NAALADL2: variants seen among roughly 807,000 people sequenced by gnomAD.
NAALADL2 encodes N-acetylated alpha-linked acidic dipeptidase like 2, also known as inactive N-acetylated-alpha-linked acidic dipeptidase-like protein 2.
A neutral mutation model predicts 87.2 loss-of-function variants in NAALADL2; 76 were observed. The observed-to-expected ratio is 0.87, with a 90% confidence interval of 0.72 to 1.05. NAALADL2 has a LOEUF of 1.05. NAALADL2 is among the 50% of genes least tolerant of loss of function. The pLI is 0.00. For synonymous variants in NAALADL2, 354 were observed against 331.0 expected, an observed-to-expected ratio of 1.07 and a Z score of -0.75; for missense variants, 1,089 against 945.8, an observed-to-expected ratio of 1.15 and a Z score of -1.99.
At chr3:174,542,964 T>C (rs773426334) in intron 1 of NAALADL2, among the ~76,000 whole-genome samples, 11 of 152,192 alleles carry the variant, frequency 7.2e-5, no homozygotes, top group Non-Finnish European at 1.2e-4. Context: ...AGCTGGACTA[T>C]GACAGATGGG....
At chr3:175,318,013 T>C (rs1019381975) in intron 4 of NAALADL2, among the ~76,000 whole-genome samples, 4 of 152,130 alleles carry the variant, frequency 2.6e-5, no homozygotes, top group Non-Finnish European at 5.9e-5. Context: ...GCATATAATA[T>C]TGAAAAATTA....
At chr3:174,987,541 C>G (rs1199262462) in intron 1 of NAALADL2, among the ~76,000 whole-genome samples, 1 of 116,180 alleles carries the variant, frequency 8.6e-6, no homozygotes, top group East Asian at 2.6e-4. Context: ...TGCACTCCAG[C>G]CTGGGCGACA....
intron 1 of NAALADL2, among the ~76,000 whole-genome samples, chr3:175,093,955 G>C (rs994419049): frequency 6.6e-6 from 1 of 151,936 alleles, no homozygotes; most frequent in Non-Finnish European, 1.5e-5. Flanking sequence ...TGTCAGGCTA[G>C]AGATGAAAAC....
chr3:175,203,791 G>T (rs1485678059), intron 2 of NAALADL2, among the ~76,000 whole-genome samples: 1 of 152,100 alleles, frequency 6.6e-6, no homozygotes, highest in East Asian at 1.9e-4. Context: ...AAATACAAAA[G>T]ATCATTCAAG....
rs1431889427 is a variant in NAALADL2, at chr3:174,901,222, T to G, written c.43+41772T>G. ...TTACCAATGATGTGGCAAGGAATAA[T>G]TTTAACATGTATCAAGGAATGTAGT... is the stretch of plus-strand genomic sequence containing the variant. On this transcript the variant is annotated intron_variant, in intron 1 of 13. Coordinates refer to ENST00000454872, the MANE Select transcript of NAALADL2 (RefSeq NM_207015.3). Among the ~76,000 whole-genome samples the G allele has an allele frequency of 2.0e-5, 3 of 152,152 alleles. No homozygotes were observed. In the East Asian group the frequency reaches 5.8e-4, roughly 29 times the overall value.
At chr3:175,686,383 A>G (rs1736296580) in intron 11 of NAALADL2, among the ~76,000 whole-genome samples, 1 of 152,180 alleles carries the variant, frequency 6.6e-6, no homozygotes, top group Admixed American at 6.5e-5. Flanking sequence ...CAGACTTCAG[A>G]AGTGTCTTTT....
chr3:175,603,435 A>G (rs568121992), intron 10 of NAALADL2, among the ~76,000 whole-genome samples: 7 of 152,296 alleles, frequency 4.6e-5, no homozygotes, highest in African/African-American at 1.7e-4. Context: ...TCATCTTGCA[A>G]AACTGAAATT....
intron 5 of NAALADL2, among the ~76,000 whole-genome samples, chr3:175,437,950 C>T (rs1331792394): frequency 1.3e-5 from 2 of 151,972 alleles, no homozygotes; most frequent in East Asian, 1.9e-4. Context: ...TACTAGGGAG[C>T]ATAGCAAGAT....
At chr3:175,658,441 T>A (rs145463470) in intron 11 of NAALADL2, among the ~76,000 whole-genome samples, 2,294 of 152,270 alleles carry the variant, frequency 0.015, 25 homozygotes, top group Non-Finnish European at 0.022. Flanking sequence ...GAAACTCCGA[T>A]ACTACCTTGA....
chr3:174,668,528 G>C (rs1485673737), intron 2 of NAALADL2, among the ~76,000 whole-genome samples: 2 of 151,992 alleles, frequency 1.3e-5, no homozygotes, highest in Non-Finnish European at 2.9e-5. Context: ...CCAGTAACTC[G>C]TCATTTAACA....
intron 1 of NAALADL2, among the ~76,000 whole-genome samples, chr3:174,989,993 T>TATAA (rs1183653548): frequency 6.6e-6 from 1 of 152,174 alleles, no homozygotes; most frequent in African/African-American, 2.4e-5. Flanking sequence ...TAGCATTGGT[T>TATAA]ATAAATTCCT....
chr3:175,055,027 G>A (rs185966491), intron 1 of NAALADL2, among the ~76,000 whole-genome samples: 157 of 152,286 alleles, frequency 1.0e-3, no homozygotes, highest in African/African-American at 3.6e-3. Context: ...GGTTGAATTG[G>A]CCACACGGAT....
chr3:175,269,268 G>T (rs1056882974), intron 4 of NAALADL2, among the ~76,000 whole-genome samples: 3 of 152,014 alleles, frequency 2.0e-5, no homozygotes, highest in Non-Finnish European at 4.4e-5. Context: ...AGTAGGAGAA[G>T]TACACTCTAA....
intron 9 of NAALADL2, among the ~76,000 whole-genome samples, chr3:175,505,166 G>A (rs1321657208): frequency 2.0e-5 from 3 of 151,892 alleles, no homozygotes; most frequent in Admixed American, 6.6e-5. Flanking sequence ...TTGGGAGGCT[G>A]AGGCAAGAGG....
chr3:174,882,354 A>G (rs1395255528), intron 1 of NAALADL2, among the ~76,000 whole-genome samples: 1 of 151,894 alleles, frequency 6.6e-6, no homozygotes, highest in Non-Finnish European at 1.5e-5. Flanking sequence ...AAAGGACACA[A>G]AATAGTTAAC....
chr3:174,645,767 G>A (rs77297137), intron 2 of NAALADL2, among the ~76,000 whole-genome samples: 2,478 of 152,228 alleles, frequency 0.016, 42 homozygotes, highest in South Asian at 0.049. Context: ...TGTGTACTGT[G>A]ACTGGAATGT....
chr3:175,271,582 A>G (rs917996783), intron 4 of NAALADL2, among the ~76,000 whole-genome samples: 11 of 152,144 alleles, frequency 7.2e-5, no homozygotes, highest in Admixed American at 2.0e-4. Context: ...ACCTGAGGTC[A>G]GGAGCTCGAG....
At chr3:174,773,684 G>A (rs1179330734) in intron 3 of NAALADL2, among the ~76,000 whole-genome samples, 2 of 152,118 alleles carry the variant, frequency 1.3e-5, no homozygotes, top group Non-Finnish European at 2.9e-5. Flanking sequence ...CGGTAAGTGG[G>A]CAAGAGAAAG....
chr3:175,340,779 T>C (rs2148836481), intron 5 of NAALADL2, among the ~76,000 whole-genome samples: 1 of 152,234 alleles, frequency 6.6e-6, no homozygotes, highest in South Asian at 2.1e-4. Context: ...CTTTGTTTGA[T>C]CAATAAGCAT....
Sources: gnomAD v4.1 joint callset for allele counts (sites outside exome capture counted in the v4.1 genomes callset) on GRCh38, gnomAD v4.1.1 for gene constraint, MANE v1.5 for transcripts, NCBI Gene and HGNC (gene_info 2026-07-23, HGNC 2026-07-21) for gene names.